The following POP1 variants were observed in gnomAD, a reference collection of about 807,000 sequenced individuals.
POP1 encodes the protein POP1 ribonuclease P/MRP subunit.
In POP1, 75 loss-of-function variants were observed where a neutral mutation model predicts 102.2. The ratio of observed to expected loss-of-function variants is 0.73; its 90% CI spans 0.61 to 0.89. The LOEUF is 0.89. Among genes scored for constraint, POP1 ranks in the 40% least tolerant of loss-of-function variants. The pLI, the probability that POP1 is intolerant of heterozygous loss-of-function variation, is 0.00. For synonymous variants in POP1, 436 were observed against 464.1 expected (o/e 0.94, Z 0.78); for missense variants, 1,116 against 1,267.4 (o/e 0.88, Z 1.81).
chr8:98,130,739 C>T (rs894772409), intron 5 of POP1, among the ~76,000 whole-genome samples: 2 of 152,182 alleles, frequency 1.3e-5, no homozygotes, highest in Non-Finnish European at 2.9e-5. Flanking sequence ...ATCTAACAGT[C>T]GTTCATCAAT....
chr8:98,127,540 A>G, intron 2 of POP1, 55 bp from the exon 3 acceptor site: 2 of 1,597,676 alleles, frequency 1.3e-6, no homozygotes, highest in Non-Finnish European at 1.7e-6. Context: ...TTAGTTCTCC[A>G]CTATAATGTT....
chr8:98,128,598 A>T (rs1816283429), intron 4 of POP1, 58 bp downstream of exon 4: 1 of 1,564,300 alleles, frequency 6.4e-7, no homozygotes, highest in South Asian at 1.1e-5. Flanking sequence ...GAAATTGAGA[A>T]GTATTGACCT....
chr8:98,147,085 G>A (rs192662586), intron 12 of POP1, among the ~76,000 whole-genome samples: 2 of 152,248 alleles, frequency 1.3e-5, no homozygotes, highest in African/African-American at 2.4e-5. Context: ...TCCCTTAAAT[G>A]TTCTCTGTCT....
intron 6 of POP1, 83 bp downstream of exon 6, chr8:98,134,119 T>C: frequency 9.4e-7 from 1 of 1,068,294 alleles, no homozygotes; most frequent in Non-Finnish European, 1.5e-6. Flanking sequence ...GTAAGCATTT[T>C]GGAATTCAAA....
intron 2 of POP1, among the ~76,000 whole-genome samples, chr8:98,126,526 C>T (rs768658898): frequency 1.3e-4 from 20 of 152,218 alleles, no homozygotes; most frequent in East Asian, 1.9e-4. Context: ...GATTTCACCA[C>T]GTAAGCACAC....
At position 98,156,067 on chromosome 8, in the gene POP1, G is replaced by A. The variant is rs747673838; in HGVS notation, c.2075G>A (p.Arg692Gln). The change falls in exon 15 of 16, where the codon CGG becomes CAG. Residue 692 changes from arginine (R) to glutamine (Q), a missense_variant. Coordinates refer to ENST00000401707, the MANE Select transcript of POP1 (RefSeq NM_001145860.2). ...EKYKRRPPAKRPNYVKLGTLA... is the reference protein window; with the variant it reads ...EKYKRRPPAKQPNYVKLGTLA... ...TTCTTTAGACGCCCTCCTGCAAAAC[G>A]GCCCAACTACGTTAAGCTTGGCACT... The A allele has an allele frequency of 5.6e-6, 9 of 1,613,444 alleles. No individual in the cohort carries two copies. The highest frequency in any genetic ancestry group is 1.7e-4 in the Middle Eastern group (1 of 5,782).
rs577149443 is a variant in POP1, at chr8:98,136,670, C to T, written c.1200C>T (p.Ile400=). Residue 400 remains isoleucine, a synonymous_variant, in exon 8 of 16, where the codon ATC becomes ATT. Transcript: ENST00000401707. ...GENAKPIKKI[I]GDGTRDPCLP... Reference sequence around the variant, plus strand: ...ATGCTAAACCAATTAAAAAAATTATCGGTGATGGAACTAGAGATCCATGTC... The same window carrying T: ...ATGCTAAACCAATTAAAAAAATTATTGGTGATGGAACTAGAGATCCATGTC... 27 of 1,612,364 alleles carry T rather than the reference C, an allele frequency of 1.7e-5. No homozygotes were observed. Among genetic ancestry groups the T allele is most frequent in the South Asian group, 4.4e-5 (4 of 91,058 alleles).
Position 98,140,835 on chromosome 8 carries a change from T to G in POP1, c.1541T>G (p.Ile514Arg), listed in dbSNP as rs371577307. ...GGACTGACAGTTGGGGATCCTCGAA[T>G]AAATTTGCCCCAAAAGAAGTCCAAA... ...ILGLTVGDPR[I>R]NLPQKKSKAL... Residue 514 changes from isoleucine to arginine, a missense_variant, in exon 11 of 16, where the codon ATA (isoleucine) becomes AGA (arginine). By Grantham distance (97) the Ile-to-Arg change is moderately conservative. Coordinates refer to ENST00000401707, the MANE Select transcript of POP1 (RefSeq NM_001145860.2). 1.9e-6 allele frequency: 3 copies of G among 1,613,896 alleles called. No individual in the cohort carries two copies. The African/African-American group carries it at 4.0e-5, about 22-fold the overall frequency.
chr8:98,127,278 GC>G (rs1255258004), intron 2 of POP1, among the ~76,000 whole-genome samples: 1 of 152,144 alleles, frequency 6.6e-6, no homozygotes, highest in African/African-American at 2.4e-5. Context: ...TCAGACCATA[GC>G]AGGGAGCTTA....
chr8:98,120,209 C>G (rs144504603), intron 1 of POP1, among the ~76,000 whole-genome samples: 1 of 152,192 alleles, frequency 6.6e-6, no homozygotes, highest in South Asian at 2.1e-4. Flanking sequence ...GCTTCACTAG[C>G]CAGCCAGTTC....
At chr8:98,130,895 A>C (rs1345332431) in intron 5 of POP1, among the ~76,000 whole-genome samples, 1 of 152,192 alleles carries the variant, frequency 6.6e-6, no homozygotes, top group Non-Finnish European at 1.5e-5. Context: ...TCTTAATAGT[A>C]TTTATCTGAT....
At chr8:98,119,729 A>C (rs762800265) in intron 1 of POP1, among the ~76,000 whole-genome samples, 1 of 152,030 alleles carries the variant, frequency 6.6e-6, no homozygotes, top group African/African-American at 2.4e-5. Flanking sequence ...CAAGCTCATA[A>C]CTATGCCTAG....
chr8:98,148,876 A>T lies in POP1; in HGVS notation c.1772A>T (p.His591Leu). The T allele has an allele frequency of 1.9e-6, 3 of 1,613,986 alleles. No homozygotes were observed. Among genetic ancestry groups the T allele is most frequent in the Non-Finnish European group, 2.5e-6 (3 of 1,179,928 alleles). ...VPGSQLILGP[H>L]ESKIPILLIQ... The stretch of plus-strand genomic sequence containing the variant: ...GGGTCACAGCTTATTTTAGGTCCCC[A>T]TGAATCCAAGATACCTATACTTTTG... The change falls in exon 13 of 16, where the codon CAT becomes CTT. Residue 591 changes from histidine (H) to leucine (L), a missense_variant. By Grantham distance (99) the His-to-Leu change is moderately conservative. Coordinates refer to ENST00000401707, the MANE Select transcript of POP1 (RefSeq NM_001145860.2).
chr8:98,125,815 C>T (rs1245384664), intron 2 of POP1, among the ~76,000 whole-genome samples: 3 of 151,768 alleles, frequency 2.0e-5, no homozygotes, highest in African/African-American at 7.3e-5. Flanking sequence ...GCTGGGATTA[C>T]AGACATGAGC....
chr8:98,138,108 AG>A (rs1364697958), intron 9 of POP1, among the ~76,000 whole-genome samples: 1 of 152,236 alleles, frequency 6.6e-6, no homozygotes, highest in African/African-American at 2.4e-5. Context: ...AGGATTCTAG[AG>A]GGAACCTTAA....
intron 2 of POP1, among the ~76,000 whole-genome samples, chr8:98,123,922 T>A (rs573235384): frequency 6.6e-6 from 1 of 152,212 alleles, no homozygotes; most frequent in South Asian, 2.1e-4. Flanking sequence ...TTTTTGAGTT[T>A]CCTATTTGCA....
intron 2 of POP1, among the ~76,000 whole-genome samples, chr8:98,125,139 T>C (rs958819324): frequency 6.6e-6 from 1 of 151,664 alleles, no homozygotes; most frequent in Admixed American, 6.6e-5. Context: ...GCAGAAACAC[T>C]ATAAAATTCT....
At chr8:98,136,834 C>T (rs1427382661) in intron 8 of POP1, 27 bp from the exon 9 acceptor site, 1 of 1,610,352 alleles carries the variant, frequency 6.2e-7, no homozygotes, top group Non-Finnish European at 8.5e-7. Flanking sequence ...TGAAAGTTTC[C>T]ATTTTAAGAT....
At chr8:98,147,594 G>A (rs189796268) in intron 12 of POP1, among the ~76,000 whole-genome samples, 6 of 152,282 alleles carry the variant, frequency 3.9e-5, no homozygotes, top group African/African-American at 9.6e-5. Context: ...GAGATGGGGG[G>A]TGAGGAAGCT....
Sources: allele counts gnomAD v4.1 joint callset (sites outside exome capture counted in the v4.1 genomes callset), GRCh38; gene constraint gnomAD v4.1.1; transcripts MANE v1.5; gene names NCBI Gene and HGNC (gene_info 2026-07-23, HGNC 2026-07-21).